NEB: variants seen among roughly 807,000 people sequenced by gnomAD.
NEB encodes the protein nemaline myopathy type 2.
Under a neutral mutation model 952.2 loss-of-function variants are expected in NEB, and 512 were observed. The ratio of observed to expected loss-of-function variants is 0.54; its 90% CI spans 0.50 to 0.58. The LOEUF (loss-of-function observed/expected upper bound fraction) is 0.58. Ranked by LOEUF, NEB falls within the 20% of genes least tolerant of loss-of-function variation. The probability of loss-of-function intolerance (pLI) is 0.00; values close to 1 mark genes in which losing one functional copy is unlikely to be tolerated. For missense variants in NEB, 8,428 were observed against 9,231.1 expected (o/e 0.91, Z 3.56); for synonymous variants, 2,900 against 3,149.8 (o/e 0.92, Z 2.66).
rs1353177692 is a variant in NEB, at chr2:151,496,966, T to C, written c.24368A>G (p.Lys8123Arg). The C allele has an allele frequency of 6.3e-7, 1 of 1,580,008 alleles. No homozygotes were observed. The highest frequency in any genetic ancestry group is 1.2e-5 in the South Asian group (1 of 86,620). Residue 8123 changes from lysine to arginine, a missense_variant, in exon 172 of 182, where the codon AAA becomes AGA. This residue lies in a region of NEB where 3,374 missense variants were observed against 3,651.5 expected (regional missense o/e 0.92). Transcript: ENST00000397345. ...CGAGCTAATATTTTCTTGATTGTGT[T>C]TGACTCTCTCCATCTCAGGAGTGAC... The part of the protein sequence containing the change: ...LPVTPEMERV[K>R]HNQENISSVL...
chr2:151,688,578 C>A (rs2099521025), intron 24 of NEB, among the ~76,000 whole-genome samples, 182 bp from the exon 25 acceptor site: 1 of 152,184 alleles, frequency 6.6e-6, no homozygotes, highest in South Asian at 2.1e-4. Context: ...GTGGCACAGT[C>A]CTCCTTTGTC....
At chr2:151,695,960 GCC>G (rs1330878091) in intron 17 of NEB, among the ~76,000 whole-genome samples, 1 of 152,164 alleles carries the variant, frequency 6.6e-6, no homozygotes, top group Non-Finnish European at 1.5e-5. Flanking sequence ...TCTGAGAGGG[GCC>G]CCGCCCTGTC....
chr2:151,531,233 G>A, intron 144 of NEB, 132 bp from the exon 145 acceptor site: 2 of 645,970 alleles, frequency 3.1e-6, no homozygotes, highest in South Asian at 1.9e-5. Context: ...GTGCTTTCAT[G>A]CTCTCTGCTA....
At chr2:151,492,351 A>G (rs2057282532) in intron 177 of NEB, 36 bp downstream of exon 177, 1 of 1,589,152 alleles carries the variant, frequency 6.3e-7, no homozygotes, top group Non-Finnish European at 8.6e-7. Flanking sequence ...ACATTCTGAC[A>G]GGCAGCCAGC....
intron 161 of NEB, among the ~76,000 whole-genome samples, chr2:151,512,337 CTCTT>C (rs1336780595): frequency 2.0e-5 from 3 of 151,620 alleles, no homozygotes; most frequent in Admixed American, 6.6e-5. Flanking sequence ...CCGGGCTTCT[CTCTT>C]TTTTTTTTAA....
intron 124 of NEB, 81 bp downstream of exon 124, chr2:151,560,511 A>G (rs2095965624): frequency 9.0e-7 from 1 of 1,115,622 alleles, no homozygotes; most frequent in African/African-American, 1.6e-5. Flanking sequence ...CAACGTATGA[A>G]TCAGCCTGAA....
chr2:151,573,008 A>C (rs936434325), intron 107 of NEB, among the ~76,000 whole-genome samples: 6 of 152,184 alleles, frequency 3.9e-5, no homozygotes, highest in Admixed American at 6.5e-5. Flanking sequence ...ATCTTACTCA[A>C]TGTAGTGAGC....
At chr2:151,711,323 T>A (rs1360984013) in intron 10 of NEB, among the ~76,000 whole-genome samples, 1 of 152,244 alleles carries the variant, frequency 6.6e-6, no homozygotes, top group Non-Finnish European at 1.5e-5. Context: ...GAGCCCAAGC[T>A]GAGTTAGAGC....
chr2:151,520,256 A>T (rs1245248870), intron 153 of NEB, among the ~76,000 whole-genome samples: 3 of 152,176 alleles, frequency 2.0e-5, no homozygotes, highest in Admixed American at 6.5e-5. Context: ...TACTTTGGCT[A>T]TATCATTTAA....
chr2:151,621,715 G>A (rs149704259), intron 71 of NEB, among the ~76,000 whole-genome samples: 18 of 152,248 alleles, frequency 1.2e-4, no homozygotes, highest in African/African-American at 3.4e-4. Flanking sequence ...TGAGAACCAC[G>A]CATTAAACAA....
At chr2:151,538,090 A>G (rs1342996654) in intron 139 of NEB, 50 bp downstream of exon 139, 2 of 1,511,520 alleles carry the variant, frequency 1.3e-6, no homozygotes, top group East Asian at 2.3e-5. Flanking sequence ...ATGTATATGT[A>G]TATGGTGAGT....
At position 151,650,760 on chromosome 2, in the gene NEB, C is replaced by T. The variant is rs768624001; in HGVS notation, c.7041G>A (p.Lys2347=). 6.2e-6 allele frequency: 10 copies of T among 1,613,838 alleles called. No homozygotes were observed. Among genetic ancestry groups the T allele is most frequent in the Non-Finnish European group, 8.5e-6 (10 of 1,179,862 alleles). ...TAGTTTTCCACTTCTCAAAGTCCTTCTTGTATTCTCTTTCACTCTGCATTT... is the reference window on the plus strand; with the variant it reads ...TAGTTTTCCACTTCTCAAAGTCCTTTTTGTATTCTCTTTCACTCTGCATTT... ...VAKMQSEREY[K]KDFEKWKTKF... The change falls in exon 53 of 182, where the codon AAG becomes AAA. Residue 2347 remains lysine (K), a synonymous_variant. Coordinates refer to ENST00000397345, the MANE Select transcript of NEB (RefSeq NM_001164508.2).
At position 151,547,480 on chromosome 2, in the gene NEB, T is replaced by A. The variant is rs772552779; in HGVS notation, c.20316A>T (p.Pro6772=). The A allele has an allele frequency of 2.6e-5, 42 of 1,607,984 alleles. No homozygotes were observed. Among genetic ancestry groups the A allele is most frequent in the Non-Finnish European group, 3.4e-5 (40 of 1,177,428 alleles). ...GGCAATGGATCACTTGGGGTGTGTA[T>A]GGCAGAGAGATCATGTGGCCCTGCA... ...FKMQGHMISL[P]YTPQVIHCRY... The change falls in exon 133 of 182, where the codon CCA becomes CCT. Residue 6772 remains proline, a synonymous_variant. Transcript: ENST00000397345.
chr2:151,562,672 G>A lies in NEB; in HGVS notation c.18830C>T (p.Thr6277Met), dbSNP rs371689870. The change falls in exon 120 of 182, where the codon ACG becomes ATG. Residue 6277 changes from threonine (T) to methionine (M), a missense_variant. Physicochemically the swap from Thr to Met is moderately conservative, Grantham distance 81. This residue lies in a region of NEB where 3,374 missense variants were observed against 3,651.5 expected (regional missense o/e 0.92). Coordinates refer to ENST00000397345, the MANE Select transcript of NEB (RefSeq NM_001164508.2). ...AACATTGGGTTCTTCCAGAAGAGAC[G>A]TCCACTGGTGGAAATAGTGTCGATA... ...LEYRHYFHQW[T>M]SLLEEPNVIR... The A allele has an allele frequency of 1.0e-5, 16 of 1,600,888 alleles. No individual in the cohort carries two copies. Among genetic ancestry groups the A allele is most frequent in the Middle Eastern group, 1.7e-4 (1 of 6,012 alleles).
At chr2:151,519,792 AATT>A in intron 153 of NEB, 24 bp from the exon 154 acceptor site, 1 of 1,465,788 alleles carries the variant, frequency 6.8e-7, no homozygotes, top group Non-Finnish European at 9.6e-7. Flanking sequence ...CAAACATCCA[AATT>A]ATTCCTGGAC....
intron 166 of NEB, 103 bp downstream of exon 166, chr2:151,503,246 C>T: frequency 1.2e-6 from 1 of 833,878 alleles, no homozygotes. Context: ...CACACAGACA[C>T]ACACAGAATT....
intron 46 of NEB, among the ~76,000 whole-genome samples, chr2:151,661,441 T>G (rs1263985178): frequency 6.6e-6 from 1 of 152,182 alleles, no homozygotes; most frequent in East Asian, 1.9e-4. Flanking sequence ...TCTGCAACTG[T>G]TTCACGTTTA....
At chr2:151,486,007 A>C (rs982464769) in intron 181 of NEB, 74 bp from the exon 182 acceptor site, 1 of 1,464,256 alleles carries the variant, frequency 6.8e-7, no homozygotes, top group African/African-American at 1.4e-5. Flanking sequence ...TATTTGTAAG[A>C]TCTCTCATGA....
rs368135069 is a variant in NEB, at chr2:151,500,644, T to C, written c.24021+747A>G. On this transcript the variant is annotated intron_variant, in intron 168 of 181. Transcript: ENST00000397345. ...AGGGTCTCACTCCTGTTGCCTAGGC[T>C]GGAGTACAGTGGCACAATCACGGCT... 2.8e-4 allele frequency among the ~76,000 whole-genome samples: 41 copies of C among 146,534 alleles called. No individual in the cohort carries two copies. In the South Asian group the frequency reaches 9.0e-3, roughly 32 times the overall value.
Sources: gnomAD v4.1 joint callset for allele counts (sites outside exome capture counted in the v4.1 genomes callset) on GRCh38, gnomAD v4.1.1 for gene constraint, gnomAD v4.1.1 regional missense constraint, MANE v1.5 for transcripts, NCBI Gene and HGNC (gene_info 2026-07-23, HGNC 2026-07-21) for gene names.